The following CLPB variants were observed in gnomAD, a reference collection of about 807,000 sequenced individuals.
CLPB encodes the protein ClpB family mitochondrial disaggregase, also known as mitochondrial disaggregase.
CLPB carries 40 observed loss-of-function variants against 78.4 expected under a neutral mutation model. That is an observed-to-expected ratio of 0.51 (90% CI 0.40 to 0.66). The LOEUF is 0.66. CLPB is among the 30% of genes least tolerant of loss of function. CLPB has a pLI of 0.00. For missense variants in CLPB, 780 were observed against 886.9 expected (o/e 0.88, Z 1.53); for synonymous variants, 333 against 348.0 (o/e 0.96, Z 0.48).
intron 6 of CLPB, among the ~76,000 whole-genome samples, chr11:72,318,364 G>A (rs1949986845): frequency 6.6e-6 from 1 of 152,192 alleles, no homozygotes; most frequent in African/African-American, 2.4e-5. Context: ...GGGCCAGGAG[G>A]GAGCCGTGGG....
At chr11:72,338,228 C>G (rs559127004) in intron 5 of CLPB, among the ~76,000 whole-genome samples, 2 of 152,208 alleles carry the variant, frequency 1.3e-5, no homozygotes, top group African/African-American at 4.8e-5. Context: ...GATTCTTCCC[C>G]CTACCCCCCT....
chr11:72,430,890 A>G (rs1364051867), intron 1 of CLPB, among the ~76,000 whole-genome samples: 1 of 152,186 alleles, frequency 6.6e-6, no homozygotes, highest in Non-Finnish European at 1.5e-5. Context: ...ATCTAGCTCC[A>G]TTCCACTCCC....
intron 2 of CLPB, among the ~76,000 whole-genome samples, chr11:72,416,283 G>A (rs919249342): frequency 6.6e-6 from 1 of 152,074 alleles, no homozygotes; most frequent in Non-Finnish European, 1.5e-5. Flanking sequence ...CCAAACTAAA[G>A]GCCACCTTGC....
In CLPB at chr11:72,293,248, G is replaced by T; in HGVS notation, c.*119C>A. 1 of 1,299,806 alleles carries T rather than the reference G, an allele frequency of 7.7e-7. No individual in the cohort carries two copies. The highest frequency in any genetic ancestry group is 1.1e-6 in the Non-Finnish European group (1 of 936,752). 80.5% of individuals were successfully genotyped at this position (1,299,806 alleles called of 1,614,324 possible). A position where few individuals can be genotyped will look rare whatever the true frequency, so the allele number is the denominator to read the frequency against. The stretch of plus-strand genomic sequence containing the variant: ...GTCTTCATGGGCTGTGAGGAGGTAA[G>T]CAGGCCTGAGACTGGGTAGAGATGG... On this transcript the variant is annotated 3_prime_UTR_variant, in exon 16 of 16. Transcript: ENST00000538039.
intron 11 of CLPB, among the ~76,000 whole-genome samples, chr11:72,300,028 T>G (rs1332169658): frequency 6.6e-6 from 1 of 152,150 alleles, no homozygotes; most frequent in African/African-American, 2.4e-5. Context: ...TCACCCTCCC[T>G]CAGCGGCATG....
intron 15 of CLPB, 67 bp downstream of exon 15, chr11:72,293,955 A>ACTGGGT (rs1949498125): frequency 7.3e-7 from 1 of 1,372,968 alleles, no homozygotes; most frequent in Non-Finnish European, 1.0e-6. Flanking sequence ...GAGCTCAGGG[A>ACTGGGT]CTGGGTCTGG....
At chr11:72,390,473 A>G (rs1855221248) in intron 3 of CLPB, among the ~76,000 whole-genome samples, 1 of 151,798 alleles carries the variant, frequency 6.6e-6, no homozygotes, top group Non-Finnish European at 1.5e-5. Context: ...AAAAGAAAAG[A>G]AAAAAGAAAA....
At chr11:72,297,366 C>T (rs75219483) in intron 11 of CLPB, among the ~76,000 whole-genome samples, 2,669 of 152,326 alleles carry the variant, frequency 0.018, 41 homozygotes, top group East Asian at 0.068. Context: ...TTACTGCATG[C>T]TGGGTGTAGT....
chr11:72,302,374 C>A (rs749957621), intron 9 of CLPB, 26 bp from the exon 10 acceptor site: 2 of 1,613,320 alleles, frequency 1.2e-6, no homozygotes, highest in Non-Finnish European at 1.7e-6. Context: ...CAAGTACCAA[C>A]TCCGTTTGGA....
rs116734077 is a variant in CLPB at position 72,390,529 on chromosome 11, T to C, written c.543-10145A>G. Reference sequence around the variant, plus strand: ...GGCAAAGATATCAACAGCCAATTCCTAGAGGAGGAAACCAAAAAAGGATTA... The same window carrying C: ...GGCAAAGATATCAACAGCCAATTCCCAGAGGAGGAAACCAAAAAAGGATTA... On this transcript the variant is annotated intron_variant, in intron 3 of 15. Transcript: ENST00000538039. Among the ~76,000 whole-genome samples the C allele has an allele frequency of 5.0e-3, 759 of 151,100 alleles. 3 individuals are homozygous for C. The highest frequency in any genetic ancestry group is 0.018 in the African/African-American group (736 of 41,188).
At chr11:72,398,587 A>AAGGC (rs1855475170) in intron 3 of CLPB, among the ~76,000 whole-genome samples, 2 of 152,206 alleles carry the variant, frequency 1.3e-5, no homozygotes, top group South Asian at 4.1e-4. Flanking sequence ...AATTTAGCTG[A>AAGGC]AGGCTGTGTA....
chr11:72,303,290 T>TG (rs1195173029), intron 9 of CLPB, among the ~76,000 whole-genome samples: 1 of 152,192 alleles, frequency 6.6e-6, no homozygotes, highest in African/African-American at 2.4e-5. Context: ...CCGGTGATGA[T>TG]GGGGGTGCCA....
At chr11:72,345,391 T>TA (rs2135578475) in intron 5 of CLPB, among the ~76,000 whole-genome samples, 1 of 152,356 alleles carries the variant, frequency 6.6e-6, no homozygotes, top group Non-Finnish European at 1.5e-5. Context: ...GAAATATTGT[T>TA]AAGTTAAAAA....
intron 5 of CLPB, among the ~76,000 whole-genome samples, chr11:72,347,525 G>A (rs892913227): frequency 6.6e-6 from 1 of 152,288 alleles, no homozygotes; most frequent in African/African-American, 2.4e-5. Context: ...ACAATACAGT[G>A]GAGAAACTGG....
chr11:72,385,375 A>T (rs1308081921), intron 3 of CLPB, among the ~76,000 whole-genome samples: 3 of 152,252 alleles, frequency 2.0e-5, no homozygotes, highest in Non-Finnish European at 4.4e-5. Flanking sequence ...ACCAGAAAAT[A>T]TAGATAACCA....
intron 6 of CLPB, among the ~76,000 whole-genome samples, chr11:72,323,791 A>T (rs1051737040): frequency 2.6e-5 from 4 of 152,164 alleles, no homozygotes; most frequent in Non-Finnish European, 5.9e-5. Context: ...TAGGAATAAC[A>T]TCTGTAGATT....
At chr11:72,345,102 C>T (rs1160886266) in intron 5 of CLPB, among the ~76,000 whole-genome samples, 2 of 152,182 alleles carry the variant, frequency 1.3e-5, no homozygotes, top group East Asian at 3.8e-4. Context: ...TGGTACAACT[C>T]GTACGGAGGA....
chr11:72,361,427 T>A (rs1230970057), intron 4 of CLPB, among the ~76,000 whole-genome samples: 2 of 152,168 alleles, frequency 1.3e-5, no homozygotes, highest in Non-Finnish European at 2.9e-5. Flanking sequence ...TTACTAGCCC[T>A]TAGTTACAGT....
In CLPB at chr11:72,384,647, G is replaced by A. The variant is rs575713205; in HGVS notation, c.543-4263C>T. ...AGACCCTACTGTATGTTACCTACAA[G>A]AGACTCACTTTACCTATAAGGACAC... is the stretch of plus-strand genomic sequence containing the variant. On this transcript the variant is annotated intron_variant, in intron 3 of 15. Transcript: ENST00000538039. 1.5e-4 allele frequency among the ~76,000 whole-genome samples: 23 copies of A among 152,220 alleles called. 1 individual carries two copies. The South Asian group carries it at 4.8e-3, about 32-fold the overall frequency.
Sources: gnomAD v4.1 joint callset for allele counts (sites outside exome capture counted in the v4.1 genomes callset) on GRCh38, gnomAD v4.1.1 for gene constraint, MANE v1.5 for transcripts, NCBI Gene and HGNC (gene_info 2026-07-23, HGNC 2026-07-21) for gene names.